Variants in KIAA1549L observed in about 807,000 individuals in gnomAD.
KIAA1549L encodes the protein UPF0606 protein KIAA1549L.
Under a neutral mutation model 160.7 loss-of-function variants are expected in KIAA1549L, and 88 were observed. The observed-to-expected ratio is 0.55, with a 90% CI of 0.46 to 0.65. The LOEUF (loss-of-function observed/expected upper bound fraction) is 0.65, where lower values mean the gene tolerates loss of function less well. Ranked by LOEUF, KIAA1549L falls within the 30% of genes least tolerant of loss-of-function variation. The pLI is 0.00. For synonymous variants in KIAA1549L, 950 were observed against 976.7 expected, an observed-to-expected ratio of 0.97 and a Z score of 0.51; for missense variants, 2,258 against 2,437.5, an observed-to-expected ratio of 0.93 and a Z score of 1.55.
At chr11:33,561,338 A>C (rs1485566173) in intron 7 of KIAA1549L, among the ~76,000 whole-genome samples, 1 of 152,222 alleles carries the variant, frequency 6.6e-6, no homozygotes, top group Non-Finnish European at 1.5e-5. Flanking sequence ...CTTCATCTAC[A>C]AGTTGGACCT....
At position 33,451,471 on chromosome 11, in the gene KIAA1549L, C is replaced by T. The variant is rs1038959682; in HGVS notation, c.238+74582C>T. ...AGTGTTTATTTTTCCTGAAGTTTCT[C>T]TAACATATGGGCATTTCTCCCTACA... On this transcript the variant is annotated intron_variant, in intron 1 of 20. Transcript: ENST00000658780. Among the ~76,000 whole-genome samples the T allele has an allele frequency of 2.0e-5, 3 of 152,224 alleles. No homozygotes were observed. The East Asian group carries it at 5.8e-4, about 29-fold the overall frequency.
rs1011947032 is a variant in KIAA1549L, at chr11:33,648,266, G to A, written c.5760+2230G>A. ...CCACCTCGGCCTCCCAAAGTGCTGG[G>A]ATTACAGGCGTGAGCCATCATGGCT... On this transcript the variant is annotated intron_variant, in intron 17 of 20. Transcript: ENST00000658780. Among the ~76,000 whole-genome samples the A allele has an allele frequency of 6.6e-5, 10 of 152,200 alleles. No homozygotes were observed. In the South Asian group the frequency reaches 8.3e-4, roughly 13 times the overall value.
At position 33,397,333 on chromosome 11, in the gene KIAA1549L, C is replaced by CAAA. The variant is rs56097253; in HGVS notation, c.238+20458_238+20460dup. ...TTGGTGATGAGGTGAGACTCTGTGT[C>CAAA]AAAAAAAAAAAAAAAATTCAAAAAT... On this transcript the variant is annotated intron_variant, in intron 1 of 20. Coordinates refer to ENST00000658780, the MANE Select transcript of KIAA1549L (RefSeq NM_012194.3). Among the ~76,000 whole-genome samples the CAAA allele has an allele frequency of 1.5e-3, 201 of 135,084 alleles. 2 individuals are homozygous for CAAA. The Middle Eastern group carries it at 0.016, about 11-fold the overall frequency. The allele number at this position is 135,084 out of a possible 152,430, so 88.6% of individuals were successfully genotyped here.
chr11:33,493,113 A>C (rs1287658082), intron 1 of KIAA1549L, among the ~76,000 whole-genome samples: 1 of 152,142 alleles, frequency 6.6e-6, no homozygotes, highest in African/African-American at 2.4e-5. Context: ...TCAGTGCAGC[A>C]GTGGTGACTT....
chr11:33,440,120 CTTTTTTTTTTTTTTTT>C (rs201551936), intron 1 of KIAA1549L, among the ~76,000 whole-genome samples: 6 of 83,434 alleles, frequency 7.2e-5, no homozygotes, highest in East Asian at 2.8e-4. Context: ...TATTTTGTTT[CTTTTTTTTTTTTTTTT>C]TTTTTTTTTT....
In KIAA1549L at chr11:33,458,363, C is replaced by T. The variant is rs186539576; in HGVS notation, c.238+81474C>T. Reference sequence around the variant, plus strand: ...ATTTGTACTCTTGCCCCAGGTTCTGCAAATGTTAGGAGTAGGACTGAAGAT... The same window carrying T: ...ATTTGTACTCTTGCCCCAGGTTCTGTAAATGTTAGGAGTAGGACTGAAGAT... On this transcript the variant is annotated intron_variant, in intron 1 of 20. Coordinates refer to ENST00000658780, the MANE Select transcript of KIAA1549L (RefSeq NM_012194.3). Among the ~76,000 whole-genome samples the T allele has an allele frequency of 9.2e-5, 14 of 152,314 alleles. No homozygotes were observed. The East Asian group carries it at 2.5e-3, about 27-fold the overall frequency.
chr11:33,393,056 G>T (rs901431223), intron 1 of KIAA1549L, among the ~76,000 whole-genome samples: 1 of 151,970 alleles, frequency 6.6e-6, no homozygotes, highest in Non-Finnish European at 1.5e-5. Context: ...AATATAAATC[G>T]GCCCAAACCT....
intron 20 of KIAA1549L, among the ~76,000 whole-genome samples, chr11:33,661,897 A>G (rs865882778): frequency 8.8e-4 from 133 of 151,046 alleles, no homozygotes; most frequent in African/African-American, 2.8e-3. Context: ...AAAAAAAAAA[A>G]AAAAAAAAAG....
Position 33,408,332 on chromosome 11 carries a change from G to A in KIAA1549L, c.238+31443G>A, listed in dbSNP as rs926718675. Among the ~76,000 whole-genome samples, 5 of 152,118 alleles carry A rather than the reference G, an allele frequency of 3.3e-5. No individual in the cohort carries two copies. The East Asian group carries it at 9.7e-4, about 29-fold the overall frequency. ...GCTGGGCAGGGGACTTCGTCACATA[G>A]CATCTGCGTGATCTTGGTTTTGGGC... is the stretch of plus-strand genomic sequence containing the variant. On this transcript the variant is annotated intron_variant, in intron 1 of 20. Coordinates refer to ENST00000658780, the MANE Select transcript of KIAA1549L (RefSeq NM_012194.3).
At chr11:33,447,623 G>GCACACACACACACACACA (rs56839961) in intron 1 of KIAA1549L, among the ~76,000 whole-genome samples, 25 of 147,358 alleles carry the variant, frequency 1.7e-4, no homozygotes, top group African/African-American at 5.8e-4. Flanking sequence ...ACATGAACTT[G>GCACACACACACACACACA]CACACACACA....
At chr11:33,557,365 GTTA>G (rs1436080994) in intron 6 of KIAA1549L, among the ~76,000 whole-genome samples, 1 of 150,668 alleles carries the variant, frequency 6.6e-6, no homozygotes, top group Non-Finnish European at 1.5e-5. Context: ...TTTTTTTTTA[GTTA>G]TTATTTTTTT....
intron 1 of KIAA1549L, among the ~76,000 whole-genome samples, chr11:33,489,813 G>T (rs1852615754): frequency 6.6e-6 from 1 of 152,210 alleles, no homozygotes; most frequent in Non-Finnish European, 1.5e-5. Flanking sequence ...GCTCAGGAAT[G>T]AGGGGAAATG....
chr11:33,545,354 T>G lies in KIAA1549L; in HGVS notation c.3361T>G (p.Ser1121Ala). Reference sequence around the variant, plus strand: ...GGCATCCAACCTGGAGTGTCAGATGTCCAGTAAGCTCCTGGTGAAGACAGG... The same window carrying G: ...GGCATCCAACCTGGAGTGTCAGATGGCCAGTAAGCTCCTGGTGAAGACAGG... ...KMASNLECQM[S>A]SKLLVKTVLF... The change falls in exon 3 of 21, where the codon TCC (serine) becomes GCC (alanine). Residue 1121 changes from serine (S) to alanine (A), a missense_variant. Ser to Ala is a moderately conservative substitution (Grantham distance 99). This residue lies in a region of KIAA1549L where 1,359 missense variants were observed against 1,546.6 expected (regional missense o/e 0.88). Coordinates refer to ENST00000658780, the MANE Select transcript of KIAA1549L (RefSeq NM_012194.3). 2 of 1,610,214 alleles carry G rather than the reference T, an allele frequency of 1.2e-6. No individual in the cohort carries two copies. The highest frequency in any genetic ancestry group is 2.7e-5 in the African/African-American group (2 of 74,992).
chr11:33,418,021 C>T (rs530411449), intron 1 of KIAA1549L, among the ~76,000 whole-genome samples: 39 of 152,298 alleles, frequency 2.6e-4, no homozygotes, highest in Admixed American at 1.0e-3. Context: ...TCAAGTGATC[C>T]GTCCACCTCA....
chr11:33,534,266 A>AT lies in KIAA1549L; in HGVS notation c.239-7530dup, dbSNP rs530147352. Among the ~76,000 whole-genome samples, 5 of 138,392 alleles carry AT rather than the reference A, an allele frequency of 3.6e-5. No homozygotes were observed. In the South Asian group the frequency reaches 6.9e-4, roughly 19 times the overall value. 90.8% of individuals were successfully genotyped at this position (138,392 alleles called of 152,430 possible). ...CCCAGCTAATTTTTTTTTTTTTTGT[A>AT]TTTTTTGTAGAGATGGGGTTTCACC... On this transcript the variant is annotated intron_variant, in intron 1 of 20. Transcript: ENST00000658780.
intron 12 of KIAA1549L, among the ~76,000 whole-genome samples, chr11:33,595,511 G>T (rs989826047): frequency 1.3e-5 from 2 of 152,186 alleles, no homozygotes; most frequent in Non-Finnish European, 2.9e-5. Flanking sequence ...TTACAGGCAT[G>T]AGCCACCATG....
At chr11:33,609,659 T>A in intron 14 of KIAA1549L, 90 bp from the exon 15 acceptor site, 2 of 1,075,476 alleles carry the variant, frequency 1.9e-6, no homozygotes, top group Non-Finnish European at 2.8e-6. Flanking sequence ...CTGTGATGGC[T>A]TTTTTAGAAG....
chr11:33,606,039 G>C (rs1405079631), intron 13 of KIAA1549L, among the ~76,000 whole-genome samples: 3 of 152,012 alleles, frequency 2.0e-5, no homozygotes, highest in African/African-American at 7.2e-5. Flanking sequence ...CTTCAAATTA[G>C]TTTCTCTGGC....
intron 18 of KIAA1549L, among the ~76,000 whole-genome samples, chr11:33,656,316 T>C (rs1172419626): frequency 1.3e-5 from 2 of 152,174 alleles, no homozygotes; most frequent in African/African-American, 4.8e-5. Flanking sequence ...AACCAGAAAG[T>C]TCTTGAGAAT....
Sources: allele counts gnomAD v4.1 joint callset (sites outside exome capture counted in the v4.1 genomes callset), GRCh38; gene constraint gnomAD v4.1.1; regional missense constraint gnomAD v4.1.1; transcripts MANE v1.5; gene names NCBI Gene and HGNC (gene_info 2026-07-23, HGNC 2026-07-21).